Variants in SNX24 observed in about 807,000 individuals in gnomAD.
The protein encoded by SNX24 is sorting nexin-24.
A neutral mutation model predicts 28.7 loss-of-function variants in SNX24; 22 were observed. The observed-to-expected ratio is 0.77, with a 90% CI of 0.55 to 1.10. The LOEUF is 1.10. Ranked by LOEUF, SNX24 falls within the 50% of genes least tolerant of loss-of-function variation. The pLI is 0.00. For synonymous variants in SNX24, 69 were observed against 71.5 expected (o/e 0.96, Z 0.18); for missense variants, 221 against 201.1 (o/e 1.10, Z -0.60).
intron 3 of SNX24, chr5:122,965,384 T>G (rs30055): frequency 0.75 from 337,043 of 449,120 alleles, 128,742 homozygotes; most frequent in East Asian, 0.99. Flanking sequence ...GTTTAAAGAG[T>G]CAGGGACTTC....
chr5:122,935,306 A>C (rs1297661742), intron 1 of SNX24, among the ~76,000 whole-genome samples: 2 of 152,108 alleles, frequency 1.3e-5, no homozygotes, highest in South Asian at 2.1e-4. Context: ...TGTTTTCCTG[A>C]TTCTATTTCT....
chr5:122,943,593 C>T lies in SNX24; in HGVS notation c.145-2462C>T, dbSNP rs774524043. On this transcript the variant is annotated intron_variant, in intron 2 of 6. Coordinates refer to ENST00000261369, the MANE Select transcript of SNX24 (RefSeq NM_014035.4). ...TGGCTTGCAGTTGCAGAACTGAGGT[C>T]CCTTTTTTTTCTTGCTGGCTGAACA... Among the ~76,000 whole-genome samples the T allele has an allele frequency of 2.0e-5, 3 of 152,198 alleles. No individual in the cohort carries two copies. In the South Asian group the frequency reaches 6.2e-4, roughly 32 times the overall value.
In SNX24 at chr5:123,007,792, C is replaced by T. The variant is rs563842905; in HGVS notation, c.*43C>T. 1.9e-6 allele frequency: 3 copies of T among 1,579,098 alleles called. No individual in the cohort carries two copies. In the African/African-American group the frequency reaches 4.1e-5, roughly 22 times the overall value. ...AAGAAGCAGAAGCAAGTTTCGAAGT[C>T]ACAGTCAAGGAAATCAATACCTACC... On this transcript the variant is annotated 3_prime_UTR_variant, in exon 7 of 7. Transcript: ENST00000261369.
At position 122,973,997 on chromosome 5, in the gene SNX24, A is replaced by T. The variant is rs147459451; in HGVS notation, c.250-25915A>T. ...GCACAACAGCCTGGACTTGTTGCAG[A>T]GCCTTCTCCTGTTCTGGACTCGAAA... On this transcript the variant is annotated intron_variant, in intron 3 of 6. Transcript: ENST00000261369. Among the ~76,000 whole-genome samples the T allele has an allele frequency of 3.9e-5, 6 of 152,310 alleles. No homozygotes were observed. In the East Asian group the frequency reaches 1.2e-3, roughly 29 times the overall value.
chr5:122,961,010 A>G (rs771193437), intron 3 of SNX24, among the ~76,000 whole-genome samples: 53 of 152,182 alleles, frequency 3.5e-4, no homozygotes, highest in Non-Finnish European at 6.8e-4. Flanking sequence ...TCTTATGCAA[A>G]ATATGTTTAT....
chr5:122,885,752 G>C (rs2150065364), intron 1 of SNX24, among the ~76,000 whole-genome samples: 1 of 152,246 alleles, frequency 6.6e-6, no homozygotes, highest in Admixed American at 6.5e-5. Flanking sequence ...CTGGGCTTGG[G>C]AAAAATAAGA....
intron 3 of SNX24, among the ~76,000 whole-genome samples, chr5:122,956,398 A>G (rs956432106): frequency 3.3e-5 from 5 of 149,818 alleles, no homozygotes; most frequent in Non-Finnish European, 7.4e-5. Flanking sequence ...ACACACACAC[A>G]CACACACATA....
At chr5:122,925,101 T>C (rs1205683252) in intron 1 of SNX24, among the ~76,000 whole-genome samples, 12 of 116,864 alleles carry the variant, frequency 1.0e-4, no homozygotes, top group African/African-American at 4.0e-4. Flanking sequence ...CCTCCTTCCC[T>C]CTCTCTTCCC....
At chr5:122,878,781 G>T (rs1272824523) in intron 1 of SNX24, among the ~76,000 whole-genome samples, 1 of 151,962 alleles carries the variant, frequency 6.6e-6, no homozygotes, top group Non-Finnish European at 1.5e-5. Flanking sequence ...AGACCAGCCT[G>T]GGCAACATAA....
chr5:122,905,457 C>T (rs1757608919), intron 1 of SNX24, among the ~76,000 whole-genome samples: 1 of 152,138 alleles, frequency 6.6e-6, no homozygotes, highest in Non-Finnish European at 1.5e-5. Flanking sequence ...TTAACTGCAT[C>T]CAAAAAATTT....
At chr5:122,916,053 C>T (rs1758147211) in intron 1 of SNX24, among the ~76,000 whole-genome samples, 1 of 152,230 alleles carries the variant, frequency 6.6e-6, no homozygotes, top group Non-Finnish European at 1.5e-5. Context: ...TATTCCCATC[C>T]TGTAGCACAT....
chr5:122,880,355 TG>T, intron 1 of SNX24, among the ~76,000 whole-genome samples: 1 of 152,300 alleles, frequency 6.6e-6, no homozygotes, highest in Non-Finnish European at 1.5e-5. Flanking sequence ...GTGGTTAGAA[TG>T]GGGCTGAGGG....
intron 1 of SNX24, among the ~76,000 whole-genome samples, chr5:122,924,235 ATAAC>A (rs927156084): frequency 6.6e-6 from 1 of 152,228 alleles, no homozygotes; most frequent in African/African-American, 2.4e-5. Flanking sequence ...ATTAACAAGA[ATAAC>A]TATTACAATA....
intron 1 of SNX24, among the ~76,000 whole-genome samples, chr5:122,909,037 A>G (rs78705331): frequency 0.039 from 5,933 of 152,078 alleles, 181 homozygotes; most frequent in East Asian, 0.1. Context: ...TTTAAACCAT[A>G]TGACTGTATT....
chr5:122,883,522 T>TA (rs1756569326), intron 1 of SNX24, among the ~76,000 whole-genome samples: 1 of 152,250 alleles, frequency 6.6e-6, no homozygotes, highest in Middle Eastern at 3.2e-3. Flanking sequence ...TGGTTAGCTT[T>TA]TGCCATAACT....
At chr5:122,910,403 T>C (rs898847940) in intron 1 of SNX24, among the ~76,000 whole-genome samples, 8 of 152,204 alleles carry the variant, frequency 5.3e-5, no homozygotes, top group Non-Finnish European at 1.0e-4. Context: ...TAGTTCAAAA[T>C]TAAGGTCATC....
intron 1 of SNX24, among the ~76,000 whole-genome samples, chr5:122,911,781 G>T (rs1581737048): frequency 1.6e-5 from 1 of 61,982 alleles, no homozygotes; most frequent in Non-Finnish European, 2.7e-5. Context: ...GATAGTTGTA[G>T]ATAAGCGGCG....
chr5:123,007,144 A>G lies in SNX24; in HGVS notation c.443-538A>G, dbSNP rs551994780. ...GAGCTGTGTTTTCAAGTTTGGCAGG[A>G]TGGCTTCTGTTGGAAATTTGCCCTT... On this transcript the variant is annotated intron_variant, in intron 6 of 6. Coordinates refer to ENST00000261369, the MANE Select transcript of SNX24 (RefSeq NM_014035.4). Among the ~76,000 whole-genome samples, 194 of 152,268 alleles carry G rather than the reference A, an allele frequency of 1.3e-3. 1 individual carries two copies. Among genetic ancestry groups the G allele is most frequent in the African/African-American group, 4.3e-3 (179 of 41,562 alleles).
chr5:122,926,300 G>C (rs1221686224), intron 1 of SNX24, among the ~76,000 whole-genome samples: 1 of 152,158 alleles, frequency 6.6e-6, no homozygotes, highest in African/African-American at 2.4e-5. Context: ...CAGGGTGAGT[G>C]AGAGGGAGTA....
Sources: allele counts gnomAD v4.1 joint callset (sites outside exome capture counted in the v4.1 genomes callset), GRCh38; gene constraint gnomAD v4.1.1; transcripts MANE v1.5; gene names NCBI Gene and HGNC (gene_info 2026-07-23, HGNC 2026-07-21).